The following ANKRD18B variants were observed in gnomAD, a reference collection of about 807,000 sequenced individuals.
ANKRD18B encodes ankyrin repeat domain-containing protein 18B.
In ANKRD18B, 75 loss-of-function variants were observed where a neutral mutation model predicts 111.8. That is an observed-to-expected ratio of 0.67 (90% CI 0.56 to 0.81). The LOEUF (loss-of-function observed/expected upper bound fraction) is 0.81, where lower values mean the gene tolerates loss of function less well. Ranked by LOEUF, ANKRD18B falls within the 40% of genes least tolerant of loss-of-function variation. The pLI, the probability that ANKRD18B is intolerant of heterozygous loss-of-function variation, is 0.00. For missense variants in ANKRD18B, 1,038 were observed against 1,225.5 expected (o/e 0.85, Z 2.28); for synonymous variants, 356 against 417.3 (o/e 0.85, Z 1.79).
At chr9:33,573,083 T>C, downstream of ANKRD18B, 1 of 966,156 alleles carries the variant, frequency 1.0e-6, no homozygotes, top group Non-Finnish European at 1.3e-6. Flanking sequence ...TATGTCTTTT[T>C]GATTTGTCCC....
At position 33,561,668 on chromosome 9, in the gene ANKRD18B, T is replaced by G. The variant is rs1172879194; in HGVS notation, c.2460+3481T>G. Among the ~76,000 whole-genome samples the G allele has an allele frequency of 3.3e-5, 5 of 152,232 alleles. No homozygotes were observed. In the East Asian group the frequency reaches 9.6e-4, roughly 29 times the overall value. On this transcript the variant is annotated intron_variant, in intron 14 of 18. Transcript: ENST00000684830. Reference sequence around the variant, plus strand: ...TTTTAGCTGTTACAGTTAACTGTTTTGAGTTAATTTTTAAATATGGTATTA... The same window carrying G: ...TTTTAGCTGTTACAGTTAACTGTTTGGAGTTAATTTTTAAATATGGTATTA...
At chr9:33,533,683 A>G (rs1315070234) in intron 4 of ANKRD18B, 138 bp downstream of exon 4, 1 of 1,399,156 alleles carries the variant, frequency 7.1e-7, no homozygotes, top group Non-Finnish European at 9.3e-7. Context: ...AACATGAATA[A>G]TCAGGTAGAA....
At chr9:33,557,866 T>C (rs1318900785) in intron 13 of ANKRD18B, among the ~76,000 whole-genome samples, 192 bp from the exon 14 acceptor site, 2 of 152,036 alleles carry the variant, frequency 1.3e-5, no homozygotes, top group African/African-American at 2.4e-5. Flanking sequence ...TACCATAAAA[T>C]TGTTCTTCAT....
At chr9:33,558,240 G>C (rs1416813227) in intron 14 of ANKRD18B, 53 bp downstream of exon 14, 11 of 1,541,232 alleles carry the variant, frequency 7.1e-6, no homozygotes, top group Non-Finnish European at 6.1e-6. Context: ...ATGTGTGAGA[G>C]GTACAGGTTT....
rs904420753 is a variant in ANKRD18B at position 33,556,012 on chromosome 9, T to C, written c.2330+192T>C. On this transcript the variant is annotated intron_variant, in intron 13 of 18. Transcript: ENST00000684830. ...CATGTGAGCAGGAGTCCATGACCCT[T>C]GGACTTTTTTGTTGGAATTATTAAA... Among the ~76,000 whole-genome samples, 7 of 152,142 alleles carry C rather than the reference T, an allele frequency of 4.6e-5. No individual in the cohort carries two copies. In the South Asian group the frequency reaches 8.3e-4, roughly 18 times the overall value.
At chr9:33,553,500 G>A (rs1467764124) in intron 12 of ANKRD18B, among the ~76,000 whole-genome samples, 1 of 152,114 alleles carries the variant, frequency 6.6e-6, no homozygotes, top group Non-Finnish European at 1.5e-5. Flanking sequence ...TCAATCAATA[G>A]CCTCTAACTT....
intron 14 of ANKRD18B, among the ~76,000 whole-genome samples, chr9:33,564,873 T>C (rs1828662812): frequency 6.6e-6 from 1 of 152,212 alleles, no homozygotes. Context: ...AAATATCTAA[T>C]CAGATCTTTT....
At chr9:33,574,608 T>G (rs1052558731), downstream of ANKRD18B, 5 of 152,848 alleles carry the variant, frequency 3.3e-5, no homozygotes, top group African/African-American at 1.2e-4. Flanking sequence ...GGGCAGAAAT[T>G]GGGGAGCACC....
chr9:33,530,036 G>T (rs145027650), intron 3 of ANKRD18B, among the ~76,000 whole-genome samples: 1 of 152,106 alleles, frequency 6.6e-6, no homozygotes, highest in Non-Finnish European at 1.5e-5. Context: ...GAGTTTACTT[G>T]TCCCTGTTAT....
chr9:33,528,640 T>C, intron 1 of ANKRD18B, 87 bp from the exon 2 acceptor site: 1 of 1,083,726 alleles, frequency 9.2e-7, no homozygotes, highest in Non-Finnish European at 1.3e-6. Flanking sequence ...AGAGGAATAA[T>C]GCCATTCAAT....
At chr9:33,536,007 A>C (rs1276063395) in intron 5 of ANKRD18B, among the ~76,000 whole-genome samples, 1 of 152,016 alleles carries the variant, frequency 6.6e-6, no homozygotes, top group African/African-American at 2.4e-5. Context: ...ACTGAAAAAC[A>C]ATACAAGCAG....
chr9:33,554,145 GAGAGAGAAAGAAAGAA>G (rs144467100), intron 12 of ANKRD18B, among the ~76,000 whole-genome samples: 29,010 of 148,184 alleles, frequency 0.2, 3,455 homozygotes, highest in African/African-American at 0.34. Context: ...GAAAGAGAGA[GAGAGAGAAAGAAAGAA>G]AGAGAGAAAG....
intron 13 of ANKRD18B, among the ~76,000 whole-genome samples, chr9:33,557,576 G>T (rs1441020544): frequency 1.3e-5 from 2 of 152,056 alleles, no homozygotes; most frequent in Non-Finnish European, 2.9e-5. Context: ...ATCATTTGAG[G>T]TCAGGAGTTC....
intron 14 of ANKRD18B, among the ~76,000 whole-genome samples, chr9:33,565,709 G>C (rs1158415045): frequency 6.6e-6 from 1 of 152,090 alleles, no homozygotes; most frequent in Non-Finnish European, 1.5e-5. Flanking sequence ...CTGGCCTCCA[G>C]TGATCTTTCT....
intron 3 of ANKRD18B, among the ~76,000 whole-genome samples, chr9:33,531,136 A>G (rs1416936422): frequency 6.6e-6 from 1 of 152,234 alleles, no homozygotes; most frequent in Non-Finnish European, 1.5e-5. Flanking sequence ...ATTTAGTTTC[A>G]GCATTCCTAT....
At chr9:33,573,701 A>AGGGAGGGT (rs1554649272), downstream of ANKRD18B, among the ~76,000 whole-genome samples, 1 of 143,686 alleles carries the variant, frequency 7.0e-6, no homozygotes, top group African/African-American at 2.5e-5. Flanking sequence ...GCAGGGAGGG[A>AGGGAGGGT]GGGTCTGTGG....
At chr9:33,574,620 G>A (rs1828834128), downstream of ANKRD18B, 1 of 152,966 alleles carries the variant, frequency 6.5e-6, no homozygotes, top group South Asian at 2.1e-4. Flanking sequence ...GGGAGCACCT[G>A]TGGGAGGCTC....
chr9:33,541,097 G>A (rs1400926481), intron 8 of ANKRD18B, 50 bp from the exon 9 acceptor site: 1 of 1,535,586 alleles, frequency 6.5e-7, no homozygotes, highest in African/African-American at 1.4e-5. Flanking sequence ...AGGAGGCAGA[G>A]GGATGATGTT....
At chr9:33,536,039 T>G (rs1391188504) in intron 5 of ANKRD18B, among the ~76,000 whole-genome samples, 3 of 151,868 alleles carry the variant, frequency 2.0e-5, no homozygotes. Flanking sequence ...GTATGCCAGT[T>G]GGAGAGGACC....
Sources: allele counts gnomAD v4.1 joint callset (sites outside exome capture counted in the v4.1 genomes callset), GRCh38; gene constraint gnomAD v4.1.1; transcripts MANE v1.5; gene names NCBI Gene and HGNC (gene_info 2026-07-23, HGNC 2026-07-21).